FANK1: variants seen among roughly 807,000 people sequenced by gnomAD.
FANK1 encodes the protein fibronectin type 3 and ankyrin repeat domains protein 1.
In FANK1, 44 loss-of-function variants were observed where a neutral mutation model predicts 45.3. That is an observed-to-expected ratio of 0.97 (90% CI 0.76 to 1.25). The LOEUF is 1.25. Among genes scored for constraint, FANK1 ranks in the 50% most tolerant of loss-of-function variants. The probability of loss-of-function intolerance (pLI) is 0.00; values close to 1 mark genes in which losing one functional copy is unlikely to be tolerated. For missense variants in FANK1, 391 were observed against 424.4 expected (o/e 0.92, Z 0.69); for synonymous variants, 149 against 152.5 (o/e 0.98, Z 0.17).
At chr10:125,991,442 C>T (rs76531900) in intron 3 of FANK1, among the ~76,000 whole-genome samples, 2 of 152,276 alleles carry the variant, frequency 1.3e-5, no homozygotes, top group East Asian at 3.9e-4. Context: ...CTGGCTGCAG[C>T]TCCCTTATGC....
intron 1 of FANK1, among the ~76,000 whole-genome samples, chr10:125,904,707 C>G (rs1414142598): frequency 6.6e-6 from 1 of 151,240 alleles, no homozygotes; most frequent in African/African-American, 2.4e-5. Context: ...GACTTTTGGG[C>G]TTGTGTTCAT....
chr10:125,988,963 G>A, intron 3 of FANK1: 1 of 548,822 alleles, frequency 1.8e-6, no homozygotes, highest in South Asian at 1.9e-5. Context: ...ATGGGCCACA[G>A]GGGTGTGGGC....
At chr10:125,994,146 C>T (rs1226690055) in intron 3 of FANK1, among the ~76,000 whole-genome samples, 6 of 91,966 alleles carry the variant, frequency 6.5e-5, no homozygotes, top group African/African-American at 2.5e-4. Flanking sequence ...CAGGAGGTGG[C>T]GTAGGGTGCA....
chr10:125,899,410 T>C (rs1444341116), intron 1 of FANK1, among the ~76,000 whole-genome samples: 1 of 152,154 alleles, frequency 6.6e-6, no homozygotes, highest in Non-Finnish European at 1.5e-5. Flanking sequence ...AAAGTCTGAT[T>C]TTGTTGCCCA....
chr10:125,981,556 ATTTC>A (rs1464048437), intron 2 of FANK1, among the ~76,000 whole-genome samples: 2 of 151,504 alleles, frequency 1.3e-5, no homozygotes, highest in African/African-American at 4.9e-5. Flanking sequence ...TCTCTGACTT[ATTTC>A]TTCCCCTTGA....
At chr10:125,906,417 G>C (rs939932763) in intron 1 of FANK1, among the ~76,000 whole-genome samples, 1 of 149,718 alleles carries the variant, frequency 6.7e-6, no homozygotes, top group African/African-American at 2.5e-5. Context: ...TAGCGAGGCT[G>C]AGGCAGGAGA....
At chr10:125,942,675 C>T (rs1046985915) in intron 1 of FANK1, among the ~76,000 whole-genome samples, 6 of 151,986 alleles carry the variant, frequency 3.9e-5, no homozygotes, top group East Asian at 1.9e-4. Flanking sequence ...TTTTATTAAT[C>T]GACTGCTTGA....
At chr10:125,924,806 C>CAAAAAAAAAAAAAAA (rs58856642) in intron 1 of FANK1, among the ~76,000 whole-genome samples, 1 of 70,784 alleles carries the variant, frequency 1.4e-5, no homozygotes, top group African/African-American at 4.3e-5. Context: ...GACCCCATCT[C>CAAAAAAAAAAAAAAA]AAAAAAAAAA....
intron 1 of FANK1, among the ~76,000 whole-genome samples, chr10:125,958,312 C>T (rs901772611): frequency 1.5e-4 from 23 of 152,228 alleles, no homozygotes; most frequent in Admixed American, 1.3e-3. Flanking sequence ...CTATGAAGAA[C>T]TGCCCGAGAC....
chr10:125,904,897 G>A (rs1347652897), intron 1 of FANK1, among the ~76,000 whole-genome samples: 10 of 151,918 alleles, frequency 6.6e-5, no homozygotes, highest in Admixed American at 3.9e-4. Flanking sequence ...AGGCCGAGGC[G>A]GGCGGATCAC....
At chr10:125,907,377 G>C (rs1457302284) in intron 1 of FANK1, 9 of 488,550 alleles carry the variant, frequency 1.8e-5, no homozygotes, top group Non-Finnish European at 2.4e-5. Flanking sequence ...TTTATTATCT[G>C]TGATAGGCAG....
rs375175844 is a variant in FANK1 at position 126,009,170 on chromosome 10, G to C, written c.927+39G>C. Reference sequence around the variant, plus strand: ...TCTTTATGTAAAGATTTTCCTCGGAGGGGGAGAAAACATTTATAAGCATGT... The same window carrying C: ...TCTTTATGTAAAGATTTTCCTCGGACGGGGAGAAAACATTTATAAGCATGT... On this transcript the variant is annotated intron_variant, in intron 9 of 10. Transcript: ENST00000368693. 14 of 1,614,032 alleles carry C rather than the reference G, an allele frequency of 8.7e-6. No homozygotes were observed. In the African/African-American group the frequency reaches 1.7e-4, roughly 20 times the overall value.
intron 2 of FANK1, among the ~76,000 whole-genome samples, chr10:125,982,366 G>C (rs1257159802): frequency 2.0e-5 from 3 of 152,220 alleles, no homozygotes; most frequent in East Asian, 1.9e-4. Context: ...CCTGGTTGCT[G>C]TCAGGCTGGA....
intron 2 of FANK1, among the ~76,000 whole-genome samples, chr10:125,982,173 AT>A (rs1951263740): frequency 6.6e-6 from 1 of 152,232 alleles, no homozygotes. Context: ...TCTTTCCCCC[AT>A]CACCTTAGCA....
In FANK1 at chr10:125,953,068, G is replaced by A. The variant is rs550746227; in HGVS notation, c.14-27093G>A. The stretch of plus-strand genomic sequence containing the variant: ...GCATGTGCATTGGAATGACCTGAAA[G>A]TCTGTTAACACGTGAAATGCTTGGC... On this transcript the variant is annotated intron_variant, in intron 1 of 10. Transcript: ENST00000368693. Among the ~76,000 whole-genome samples, 10 of 152,330 alleles carry A rather than the reference G, an allele frequency of 6.6e-5. No homozygotes were observed. In the South Asian group the frequency reaches 1.7e-3, roughly 25 times the overall value.
intron 1 of FANK1, among the ~76,000 whole-genome samples, chr10:125,926,445 T>C (rs1947345843): frequency 6.6e-6 from 1 of 152,308 alleles, no homozygotes; most frequent in Non-Finnish European, 1.5e-5. Flanking sequence ...ACCCATCTTA[T>C]AGTCACAAAC....
chr10:125,989,000 G>A (rs2134211023), intron 3 of FANK1, among the ~76,000 whole-genome samples: 1 of 152,314 alleles, frequency 6.6e-6, no homozygotes, highest in African/African-American at 2.4e-5. Flanking sequence ...TCCCCACACA[G>A]CCAAGCAGGC....
chr10:125,931,664 A>G (rs950043519), intron 1 of FANK1, among the ~76,000 whole-genome samples: 4 of 151,530 alleles, frequency 2.6e-5, no homozygotes, highest in Non-Finnish European at 4.4e-5. Context: ...TGGGTTGTCT[A>G]TTTACTCTGC....
At chr10:125,907,571 G>A (rs1454108389) in intron 1 of FANK1, 5 of 890,776 alleles carry the variant, frequency 5.6e-6, no homozygotes, top group Non-Finnish European at 6.6e-6. Context: ...TTACTCCTGG[G>A]ATGTGTGTGT....
Sources: allele counts gnomAD v4.1 joint callset (sites outside exome capture counted in the v4.1 genomes callset), GRCh38; gene constraint gnomAD v4.1.1; transcripts MANE v1.5; gene names NCBI Gene and HGNC (gene_info 2026-07-23, HGNC 2026-07-21).